The following CPED1 variants were observed in gnomAD, a reference collection of about 807,000 sequenced individuals.
CPED1 encodes cadherin-like and PC-esterase domain-containing protein 1.
A neutral mutation model predicts 128.2 loss-of-function variants in CPED1; 114 were observed. The observed-to-expected ratio is 0.89, with a 90% CI of 0.76 to 1.04. The LOEUF (loss-of-function observed/expected upper bound fraction) is 1.04. CPED1 is among the 50% of genes least tolerant of loss of function. CPED1 has a pLI of 0.00. For synonymous variants in CPED1, 462 were observed against 426.7 expected (o/e 1.08, Z -1.02); for missense variants, 1,211 against 1,207.1 (o/e 1.00, Z -0.05).
At chr7:121,024,924 T>C (rs1431713047) in intron 3 of CPED1, among the ~76,000 whole-genome samples, 1 of 152,198 alleles carries the variant, frequency 6.6e-6, no homozygotes, top group Non-Finnish European at 1.5e-5. Flanking sequence ...GTACAGGGTG[T>C]TTGCTACGCC....
chr7:121,176,613 G>A (rs947772894), intron 16 of CPED1, among the ~76,000 whole-genome samples: 5 of 152,008 alleles, frequency 3.3e-5, no homozygotes, highest in Non-Finnish European at 2.9e-5. Flanking sequence ...AGGGAAAGGT[G>A]AACGTCATGA....
intron 2 of CPED1, chr7:120,994,174 C>T (rs185910314): frequency 1.9e-5 from 3 of 153,984 alleles, no homozygotes; most frequent in Admixed American, 6.5e-5. Context: ...AGAAATCCAC[C>T]AAAAATCCAG....
intron 14 of CPED1, among the ~76,000 whole-genome samples, chr7:121,138,987 T>TA (rs1409615679): frequency 1.3e-5 from 2 of 152,094 alleles, no homozygotes; most frequent in Non-Finnish European, 2.9e-5. Flanking sequence ...AAGAATGTAG[T>TA]ATTAATAAGT....
In CPED1 at chr7:121,097,899, A is replaced by G. The variant is rs973862144; in HGVS notation, c.749+68A>G. 8.9e-5 allele frequency: 137 copies of G among 1,547,534 alleles called. No homozygotes were observed. In the East Asian group the frequency reaches 1.2e-3, roughly 14 times the overall value. On this transcript the variant is annotated intron_variant, in intron 6 of 22. Transcript: ENST00000310396. Reference sequence around the variant, plus strand: ...AGGAGACAGCTAACAAGAGAAAAGCACAGAACAGATATGGGGGGTTCACAT... The same window carrying G: ...AGGAGACAGCTAACAAGAGAAAAGCGCAGAACAGATATGGGGGGTTCACAT...
chr7:121,029,864 G>A (rs1036359145), intron 3 of CPED1, among the ~76,000 whole-genome samples: 6 of 152,014 alleles, frequency 3.9e-5, no homozygotes, highest in African/African-American at 1.4e-4. Context: ...CAATGTCCAG[G>A]TTAATTTTAT....
At chr7:121,269,524 G>A (rs1244024014) in intron 21 of CPED1, among the ~76,000 whole-genome samples, 1 of 152,052 alleles carries the variant, frequency 6.6e-6, no homozygotes, top group African/African-American at 2.4e-5. Context: ...TAATGGGATT[G>A]CTGGGTCAAA....
chr7:121,283,643 G>A (rs1396871240), intron 22 of CPED1, among the ~76,000 whole-genome samples: 1 of 152,124 alleles, frequency 6.6e-6, no homozygotes, highest in East Asian at 1.9e-4. Context: ...AGTATGATAG[G>A]TCCTCCCAAA....
At chr7:121,184,773 A>T (rs1796967899) in intron 16 of CPED1, among the ~76,000 whole-genome samples, 1 of 152,148 alleles carries the variant, frequency 6.6e-6, no homozygotes, top group African/African-American at 2.4e-5. Flanking sequence ...AATTAATGAG[A>T]AAATAGTAGA....
chr7:121,181,634 T>C (rs1796898487), intron 16 of CPED1, among the ~76,000 whole-genome samples: 1 of 152,144 alleles, frequency 6.6e-6, no homozygotes, highest in East Asian at 1.9e-4. Flanking sequence ...CCTTGACTAA[T>C]ATTAAAAGTT....
chr7:121,140,561 T>G (rs886582908), intron 14 of CPED1, among the ~76,000 whole-genome samples: 1 of 152,024 alleles, frequency 6.6e-6, no homozygotes, highest in Non-Finnish European at 1.5e-5. Flanking sequence ...GCCTTTAAAC[T>G]TTCAAGGGCT....
At chr7:121,266,875 A>C (rs1792137710) in intron 20 of CPED1, 67 bp downstream of exon 20, 1 of 1,058,894 alleles carries the variant, frequency 9.4e-7, no homozygotes, top group African/African-American at 1.6e-5. Context: ...GATGTGACTG[A>C]GTTTTATCCA....
At position 121,136,023 on chromosome 7, in the gene CPED1, TTTC is replaced by T. The variant is rs753939554; in HGVS notation, c.1649-14_1649-12del. On this transcript the variant is annotated splice_polypyrimidine_tract_variant and intron_variant, in intron 13 of 22. Transcript: ENST00000310396. ...TAATGGTTTTTATTTTAAATTTACA[TTTC>T]TTTTTTTTTTTAGCTGCAGTTCCAC... The T allele has an allele frequency of 1.3e-6, 2 of 1,501,498 alleles. No individual in the cohort carries two copies. The highest frequency in any genetic ancestry group is 1.3e-5 in the South Asian group (1 of 76,648). The allele number at this position is 1,501,498 out of a possible 1,614,324, so 93.0% of individuals were successfully genotyped here.
chr7:121,282,971 C>G (rs887707322), intron 22 of CPED1, among the ~76,000 whole-genome samples: 11 of 152,168 alleles, frequency 7.2e-5, no homozygotes, highest in Admixed American at 3.3e-4. Flanking sequence ...TTTAATTCTA[C>G]AAGATACAGA....
rs537519071 is a variant in CPED1 at position 121,131,961 on chromosome 7, T to G, written c.1577+1667T>G. Among the ~76,000 whole-genome samples the G allele has an allele frequency of 3.4e-3, 438 of 130,560 alleles. 1 individual carries two copies. The highest frequency in any genetic ancestry group is 0.012 in the African/African-American group (426 of 36,564). The allele number at this position is 130,560 out of a possible 152,430, so 85.7% of individuals were successfully genotyped here. A position where few individuals can be genotyped will look rare whatever the true frequency, so the allele number is the denominator to read the frequency against. ...ATTTTAGCTTCTATAGTGGGGGTAATGTTTTTTTTTTTTTAATGGGAAAAG... is the reference window on the plus strand; with the variant it reads ...ATTTTAGCTTCTATAGTGGGGGTAAGGTTTTTTTTTTTTTAATGGGAAAAG... On this transcript the variant is annotated intron_variant, in intron 12 of 22. Coordinates refer to ENST00000310396, the MANE Select transcript of CPED1 (RefSeq NM_024913.5).
At chr7:121,045,334 G>A (rs1486781235) in intron 3 of CPED1, among the ~76,000 whole-genome samples, 1 of 152,176 alleles carries the variant, frequency 6.6e-6, no homozygotes, top group Non-Finnish European at 1.5e-5. Flanking sequence ...TAGGATAAGA[G>A]CTTGAGTTCA....
At chr7:121,275,342 A>T (rs1183138366) in intron 22 of CPED1, among the ~76,000 whole-genome samples, 1 of 152,088 alleles carries the variant, frequency 6.6e-6, no homozygotes, top group African/African-American at 2.4e-5. Flanking sequence ...CTGATTAGAA[A>T]AGCAGGTGTT....
In CPED1 at chr7:121,015,800, G is replaced by T; in HGVS notation, c.385G>T (p.Ala129Ser). The T allele has an allele frequency of 6.3e-7, 1 of 1,596,804 alleles. No individual in the cohort carries two copies. The highest frequency in any genetic ancestry group is 8.5e-7 in the Non-Finnish European group (1 of 1,174,524). ...TCAACATGGCTATACGGTTGTCATC[G>T]CTGAAGAAAGGCTCAATGCTGGCCT... Reference protein sequence around the residue: ...LTQHGYTVVIAEERLNAGLGP... With the variant: ...LTQHGYTVVISEERLNAGLGP... Residue 129 changes from alanine to serine, a missense_variant, in exon 3 of 23, where the codon GCT (alanine) becomes TCT (serine). Transcript: ENST00000310396.
intron 17 of CPED1, among the ~76,000 whole-genome samples, chr7:121,238,523 A>C (rs1798312048): frequency 6.6e-6 from 1 of 152,154 alleles, no homozygotes; most frequent in Non-Finnish European, 1.5e-5. Flanking sequence ...TTCCCAGTGC[A>C]TCCTGGGCAC....
At chr7:121,161,884 A>G (rs1048274366) in intron 16 of CPED1, among the ~76,000 whole-genome samples, 7 of 152,218 alleles carry the variant, frequency 4.6e-5, no homozygotes, top group Non-Finnish European at 7.3e-5. Context: ...TTATTCAAAA[A>G]AAATAAAATT....
Sources: gnomAD v4.1 joint callset for allele counts (sites outside exome capture counted in the v4.1 genomes callset) on GRCh38, gnomAD v4.1.1 for gene constraint, MANE v1.5 for transcripts, NCBI Gene and HGNC (gene_info 2026-07-23, HGNC 2026-07-21) for gene names.